FRAS1: variants seen among roughly 807,000 people sequenced by gnomAD.
FRAS1 encodes Fraser extracellular matrix complex subunit 1.
In FRAS1, 290 loss-of-function variants were observed where a neutral mutation model predicts 435.2. The ratio of observed to expected loss-of-function variants is 0.67; its 90% CI spans 0.61 to 0.73. The LOEUF is 0.73. FRAS1 is among the 30% of genes least tolerant of loss of function. The pLI is 0.00. For missense variants in FRAS1, 4,860 were observed against 5,001.5 expected (o/e 0.97, Z 0.85); for synonymous variants, 1,800 against 1,851.0 (o/e 0.97, Z 0.71).
intron 4 of FRAS1, among the ~76,000 whole-genome samples, chr4:78,249,317 T>A (rs1055702362): frequency 1.5e-5 from 2 of 131,112 alleles, no homozygotes; most frequent in African/African-American, 5.5e-5. Flanking sequence ...CATCAAGCAG[T>A]GGAGCCTTTT....
At chr4:78,452,841 A>G (rs1719066675) in intron 47 of FRAS1, among the ~76,000 whole-genome samples, 1 of 152,014 alleles carries the variant, frequency 6.6e-6, no homozygotes, top group Non-Finnish European at 1.5e-5. Context: ...GAACCTCTGC[A>G]CATAACCATA....
intron 2 of FRAS1, among the ~76,000 whole-genome samples, chr4:78,134,936 C>A (rs999767632): frequency 6.6e-6 from 1 of 152,116 alleles, no homozygotes; most frequent in African/African-American, 2.4e-5. Context: ...AGAAGTCTAA[C>A]AATAATGTTC....
intron 2 of FRAS1, among the ~76,000 whole-genome samples, chr4:78,153,071 C>G (rs947595834): frequency 6.6e-6 from 1 of 152,132 alleles, no homozygotes; most frequent in Admixed American, 6.5e-5. Flanking sequence ...TCCTGTCCCA[C>G]CCATACCCAT....
At chr4:78,087,590 A>T (rs936049854) in intron 2 of FRAS1, among the ~76,000 whole-genome samples, 4 of 152,222 alleles carry the variant, frequency 2.6e-5, no homozygotes, top group African/African-American at 9.7e-5. Context: ...CAGGATACAA[A>T]ACCAATGTAC....
chr4:78,227,484 C>T (rs1372618387), intron 2 of FRAS1, among the ~76,000 whole-genome samples: 1 of 152,214 alleles, frequency 6.6e-6, no homozygotes, highest in African/African-American at 2.4e-5. Context: ...AAACCTTGAA[C>T]TCAGGGCCTC....
chr4:78,427,854 C>T (rs190221549), intron 35 of FRAS1, among the ~76,000 whole-genome samples: 1 of 152,330 alleles, frequency 6.6e-6, no homozygotes, highest in African/African-American at 2.4e-5. Context: ...TACTACACGT[C>T]GCTGAGCAAT....
intron 2 of FRAS1, among the ~76,000 whole-genome samples, chr4:78,155,595 G>A (rs1023974661): frequency 2.0e-5 from 3 of 152,136 alleles, no homozygotes; most frequent in Non-Finnish European, 1.5e-5. Flanking sequence ...ACAGAAACCC[G>A]TGGCATTCTA....
At chr4:78,088,502 C>G (rs11098037) in intron 2 of FRAS1, among the ~76,000 whole-genome samples, 4 of 151,644 alleles carry the variant, frequency 2.6e-5, no homozygotes, top group Non-Finnish European at 5.9e-5. Context: ...ACCTACAGAA[C>G]GGGAGAAAAT....
At chr4:78,389,456 G>A (rs1241514705) in intron 29 of FRAS1, among the ~76,000 whole-genome samples, 1 of 152,192 alleles carries the variant, frequency 6.6e-6, no homozygotes, top group African/African-American at 2.4e-5. Context: ...TCAGTTTCCT[G>A]TCTCGTTATT....
intron 41 of FRAS1, among the ~76,000 whole-genome samples, chr4:78,444,923 G>A (rs561130834): frequency 8.4e-4 from 128 of 152,292 alleles, no homozygotes; most frequent in Non-Finnish European, 1.5e-3. Context: ...AATAGCCCTG[G>A]TGCTCTATCC....
chr4:78,513,591 G>A (rs1721109466), intron 65 of FRAS1, 39 bp downstream of exon 65: 1 of 1,576,728 alleles, frequency 6.3e-7, no homozygotes, highest in Non-Finnish European at 8.7e-7. Context: ...TTCCATGCTA[G>A]CCCAGTGCAG....
chr4:78,273,090 T>C (rs1236409284), intron 9 of FRAS1, among the ~76,000 whole-genome samples: 8 of 152,318 alleles, frequency 5.3e-5, no homozygotes, highest in African/African-American at 1.9e-4. Flanking sequence ...GAATGGGAGT[T>C]CATGCATGAT....
chr4:78,303,840 C>G (rs903933044), intron 14 of FRAS1, among the ~76,000 whole-genome samples: 18 of 149,148 alleles, frequency 1.2e-4, no homozygotes, highest in Admixed American at 6.8e-4. Flanking sequence ...AATTGAATAC[C>G]CTTTATTTCC....
intron 18 of FRAS1, among the ~76,000 whole-genome samples, chr4:78,329,614 G>C (rs1367387497): frequency 6.6e-6 from 1 of 152,216 alleles, no homozygotes; most frequent in Non-Finnish European, 1.5e-5. Context: ...ATGTGGCTTG[G>C]AGATGGGGTA....
At chr4:78,062,411 G>T (rs1042770576) in intron 1 of FRAS1, among the ~76,000 whole-genome samples, 3 of 152,068 alleles carry the variant, frequency 2.0e-5, no homozygotes, top group Non-Finnish European at 4.4e-5. Context: ...ACAACATAAA[G>T]CCTGAACATT....
At position 78,451,864 on chromosome 4, in the gene FRAS1, G is replaced by A; in HGVS notation, c.6556G>A (p.Asp2186Asn). The change falls in exon 46 of 74, where the codon GAC becomes AAC. Residue 2186 changes from aspartate to asparagine, a missense_variant. By Grantham distance (23) the Asp-to-Asn change is conservative. Coordinates refer to ENST00000512123, the MANE Select transcript of FRAS1 (RefSeq NM_025074.7). ...VVDGEGNRLI[D>N]KSFSISILED... ...TGATGGAGAAGGCAACAGATTGATT[G>A]ACAAGTCATTTTCCATCAGCATTCT... 6.2e-7 allele frequency: 1 copy of A among 1,612,720 alleles called. No homozygotes were observed. Among genetic ancestry groups the A allele is most frequent in the South Asian group, 1.1e-5 (1 of 90,698 alleles).
rs1730806372 is a variant in FRAS1 at position 78,355,295 on chromosome 4, T to G, written c.2423-8218T>G. Among the ~76,000 whole-genome samples, 2 of 152,156 alleles carry G rather than the reference T, an allele frequency of 1.3e-5. 1 individual carries two copies. The highest frequency in any genetic ancestry group is 4.1e-4 in the South Asian group (2 of 4,832). On this transcript the variant is annotated intron_variant, in intron 20 of 73. Coordinates refer to ENST00000512123, the MANE Select transcript of FRAS1 (RefSeq NM_025074.7). ...ATATACAAACAACTGGAATTCCATC[T>G]GTGCTCCCCCCACATACTTATTATA...
At chr4:78,180,807 T>C (rs781132112) in intron 2 of FRAS1, 16 of 1,248,112 alleles carry the variant, frequency 1.3e-5, no homozygotes, top group Non-Finnish European at 1.7e-5. Context: ...TCCTTAAGCA[T>C]GCAAAAGCTT....
intron 61 of FRAS1, among the ~76,000 whole-genome samples, chr4:78,500,253 T>C (rs1720635096): frequency 6.6e-6 from 1 of 152,228 alleles, no homozygotes; most frequent in Non-Finnish European, 1.5e-5. Flanking sequence ...CAAATATTGC[T>C]GAAAAGTGCT....
Sources: allele counts gnomAD v4.1 joint callset (sites outside exome capture counted in the v4.1 genomes callset), GRCh38; gene constraint gnomAD v4.1.1; transcripts MANE v1.5; gene names NCBI Gene and HGNC (gene_info 2026-07-23, HGNC 2026-07-21).